DTNB: variants seen among roughly 807,000 people sequenced by gnomAD.
DTNB encodes the protein DTN-B.
DTNB carries 63 observed loss-of-function variants against 90.7 expected under a neutral mutation model. The observed-to-expected ratio is 0.69, with a 90% CI of 0.57 to 0.86. The LOEUF is 0.86. DTNB is among the 40% of genes least tolerant of loss of function. The probability of loss-of-function intolerance (pLI) is 0.00; values close to 1 mark genes in which losing one functional copy is unlikely to be tolerated. For missense variants in DTNB, 744 were observed against 807.1 expected, an observed-to-expected ratio of 0.92 and a Z score of 0.95; for synonymous variants, 277 against 286.7, an observed-to-expected ratio of 0.97 and a Z score of 0.34.
intron 8 of DTNB, among the ~76,000 whole-genome samples, chr2:25,569,810 A>C (rs2059553924): frequency 1.3e-5 from 2 of 152,178 alleles, no homozygotes; most frequent in African/African-American, 4.8e-5. Flanking sequence ...TACTATTAGA[A>C]ATGGTGGCCG....
At chr2:25,407,359 AT>A (rs2045461050) in intron 16 of DTNB, among the ~76,000 whole-genome samples, 1 of 152,198 alleles carries the variant, frequency 6.6e-6, no homozygotes, top group South Asian at 2.1e-4. Context: ...GGAAAATAGG[AT>A]GGAGATTCTT....
chr2:25,444,340 C>G (rs2058054578), intron 12 of DTNB, among the ~76,000 whole-genome samples: 1 of 151,924 alleles, frequency 6.6e-6, no homozygotes, highest in Non-Finnish European at 1.5e-5. Flanking sequence ...ACCAGCCTGG[C>G]CAACATGGTG....
At chr2:25,433,604 G>A (rs970721341) in intron 13 of DTNB, among the ~76,000 whole-genome samples, 1 of 151,878 alleles carries the variant, frequency 6.6e-6, no homozygotes, top group African/African-American at 2.4e-5. Context: ...ACAGCAAAAT[G>A]TTGCTGGGAA....
At chr2:25,650,229 T>G in intron 2 of DTNB, 2 of 985,450 alleles carry the variant, frequency 2.0e-6, no homozygotes, top group Non-Finnish European at 2.4e-6. Flanking sequence ...GTTTGTGTAT[T>G]TGGTTTCCTA....
chr2:25,615,757 G>A lies in DTNB; in HGVS notation c.363-8436C>T, dbSNP rs73922445. 1.7e-3 allele frequency among the ~76,000 whole-genome samples: 262 copies of A among 152,194 alleles called. 1 individual carries two copies. Among genetic ancestry groups the A allele is most frequent in the African/African-American group, 6.1e-3 (253 of 41,520 alleles). ...CAACATGTATATTTCTTATTATTTC[G>A]CAAATCCCAATTGAATTCACAAAAG... On this transcript the variant is annotated intron_variant, in intron 4 of 20. Coordinates refer to ENST00000406818, the MANE Select transcript of DTNB (RefSeq NM_021907.5).
At chr2:25,407,159 C>T (rs1040786620) in intron 16 of DTNB, among the ~76,000 whole-genome samples, 1 of 151,964 alleles carries the variant, frequency 6.6e-6, no homozygotes, top group Non-Finnish European at 1.5e-5. Flanking sequence ...GGCCAACAAA[C>T]ATATGAAAAA....
rs772018018 is a variant in DTNB at position 25,427,642 on chromosome 2, C to T, written c.1458-11G>A. 19 of 1,611,462 alleles carry T rather than the reference C, an allele frequency of 1.2e-5. No homozygotes were observed. Among genetic ancestry groups the T allele is most frequent in the Middle Eastern group, 3.3e-4 (2 of 6,060 alleles). ...TCATCCTTCCTTTGCCTATCCAAGA[C>T]GAGAAGCCTATCAGATAAAGAGACC... On this transcript the variant is annotated splice_polypyrimidine_tract_variant and intron_variant, in intron 14 of 20. Coordinates refer to ENST00000406818, the MANE Select transcript of DTNB (RefSeq NM_021907.5).
chr2:25,621,291 C>T (rs965051066), intron 4 of DTNB, among the ~76,000 whole-genome samples: 2 of 152,124 alleles, frequency 1.3e-5, no homozygotes, highest in Non-Finnish European at 2.9e-5. Flanking sequence ...ACATGCTAGG[C>T]TGGGCAGATT....
At chr2:25,622,381 G>A (rs922435541) in intron 4 of DTNB, among the ~76,000 whole-genome samples, 1 of 152,196 alleles carries the variant, frequency 6.6e-6, no homozygotes, top group Admixed American at 6.5e-5. Flanking sequence ...ATAGGAGGAT[G>A]AGGCATGAGA....
chr2:25,383,802 A>G, intron 19 of DTNB, 34 bp downstream of exon 19: 1 of 1,614,050 alleles, frequency 6.2e-7, no homozygotes, highest in East Asian at 2.2e-5. Flanking sequence ...CGGGCTCCCC[A>G]TTTAAACGAG....
chr2:25,383,768 T>C, intron 19 of DTNB, 68 bp downstream of exon 19: 1 of 1,613,332 alleles, frequency 6.2e-7, no homozygotes, highest in Non-Finnish European at 8.5e-7. Flanking sequence ...AGAAACAAAG[T>C]GGGGGGCGGC....
chr2:25,430,536 G>A (rs1008302533), intron 14 of DTNB, among the ~76,000 whole-genome samples: 9 of 152,138 alleles, frequency 5.9e-5, no homozygotes, highest in South Asian at 4.2e-4. Context: ...GGTAGGGGGT[G>A]GAGAGGGAAG....
chr2:25,590,621 A>G (rs2063379136), intron 6 of DTNB, among the ~76,000 whole-genome samples: 1 of 149,486 alleles, frequency 6.7e-6, no homozygotes, highest in Non-Finnish European at 1.5e-5. Flanking sequence ...CAGACAGGAG[A>G]CTCTGGGGTG....
In DTNB at chr2:25,383,870, T is replaced by C. The variant is rs1326565220; in HGVS notation, c.1845A>G (p.Glu615=). 1 of 1,613,942 alleles carries C rather than the reference T, an allele frequency of 6.2e-7. No homozygotes were observed. The highest frequency in any genetic ancestry group is 1.3e-5 in the African/African-American group (1 of 74,948). ...ELHSAEEGAE[E]EEEKMQNGKD... The stretch of plus-strand genomic sequence containing the variant: ...TCCCATTCTGCATCTTCTCTTCTTC[T>C]TCCTCTGCACCTTCCTCTGCTGTGA... Residue 615 remains glutamate, a synonymous_variant, in exon 19 of 21, where the codon GAA becomes GAG. Coordinates refer to ENST00000406818, the MANE Select transcript of DTNB (RefSeq NM_021907.5).
At chr2:25,503,532 T>C (rs1303946911) in intron 9 of DTNB, among the ~76,000 whole-genome samples, 6 of 152,076 alleles carry the variant, frequency 3.9e-5, no homozygotes, top group African/African-American at 1.4e-4. Flanking sequence ...TTAGAGTTAA[T>C]AGACAAGTTC....
At chr2:25,662,663 CACACACACACACACACAA>C (rs1377779507) in intron 1 of DTNB, among the ~76,000 whole-genome samples, 28 of 71,064 alleles carry the variant, frequency 3.9e-4, no homozygotes, top group African/African-American at 8.4e-4. Context: ...CACACACACA[CACACACACACACACACAA>C]ACACACACAC....
intron 4 of DTNB, among the ~76,000 whole-genome samples, chr2:25,621,402 C>A (rs2072573370): frequency 6.7e-6 from 1 of 149,194 alleles, no homozygotes; most frequent in Non-Finnish European, 1.5e-5. Context: ...TAAGGGGGAA[C>A]AATATAACTT....
chr2:25,522,176 A>G (rs1454319786), intron 9 of DTNB, among the ~76,000 whole-genome samples: 1 of 152,226 alleles, frequency 6.6e-6, no homozygotes, highest in Non-Finnish European at 1.5e-5. Context: ...AAGTTGCTAG[A>G]GTGCTGATAC....
At chr2:25,614,000 G>A (rs2069452085) in intron 4 of DTNB, among the ~76,000 whole-genome samples, 1 of 152,034 alleles carries the variant, frequency 6.6e-6, no homozygotes, top group African/African-American at 2.4e-5. Flanking sequence ...AACCCAGGGA[G>A]CTTTATCCCA....
Sources: allele counts gnomAD v4.1 joint callset (sites outside exome capture counted in the v4.1 genomes callset), GRCh38; gene constraint gnomAD v4.1.1; transcripts MANE v1.5; gene names NCBI Gene and HGNC (gene_info 2026-07-23, HGNC 2026-07-21).